The following TASP1 variants were observed in gnomAD, a reference collection of about 807,000 sequenced individuals.
The protein encoded by TASP1 is threonine aspartase 1.
TASP1 carries 16 observed loss-of-function variants against 56.6 expected under a neutral mutation model. That is an observed-to-expected ratio of 0.28 (90% confidence interval 0.19 to 0.43). TASP1 has a LOEUF of 0.43. Among genes scored for constraint, TASP1 ranks in the 20% least tolerant of loss-of-function variants. TASP1 has a pLI of 1.00. For synonymous variants in TASP1, 179 were observed against 184.2 expected (o/e 0.97, Z 0.23); for missense variants, 393 against 511.6 (o/e 0.77, Z 2.24).
the TASP1 span, among the ~76,000 whole-genome samples, chr20:13,283,863 C>T: frequency 2.6e-5 from 4 of 152,106 alleles, no homozygotes; most frequent in East Asian, 5.8e-4. Flanking sequence ...GATTTTTTTT[C>T]AGTGGTTTTC....
the TASP1 span, among the ~76,000 whole-genome samples, chr20:13,201,503 G>T: frequency 4.0e-5 from 6 of 151,104 alleles, no homozygotes; most frequent in South Asian, 1.3e-3. Context: ...CAAATCTTTA[G>T]ACATTGTCAA....
intron 13 of TASP1, among the ~76,000 whole-genome samples, chr20:13,394,369 G>C (rs2041433526): frequency 6.7e-6 from 1 of 149,586 alleles, no homozygotes; most frequent in South Asian, 2.1e-4. Context: ...CCAGCACTTT[G>C]GGAGGCCAAG....
intron 10 of TASP1, among the ~76,000 whole-genome samples, chr20:13,522,662 T>C (rs1169596787): frequency 2.0e-5 from 3 of 152,192 alleles, no homozygotes; most frequent in Non-Finnish European, 4.4e-5. Context: ...ACTTGAATTA[T>C]AACTCAGTTA....
At chr20:13,559,324 G>A (rs1032829701) in intron 7 of TASP1, among the ~76,000 whole-genome samples, 1 of 152,100 alleles carries the variant, frequency 6.6e-6, no homozygotes, top group Non-Finnish European at 1.5e-5. Context: ...GTCCAACCCA[G>A]AGAAACAAAG....
chr20:13,185,083 T>C, the TASP1 span, among the ~76,000 whole-genome samples: 2 of 151,492 alleles, frequency 1.3e-5, no homozygotes, highest in African/African-American at 4.9e-5. Flanking sequence ...AACCAATAAA[T>C]AAATGGGCAA....
At chr20:13,270,654 A>C in the TASP1 span, 21 of 1,613,864 alleles carry the variant, frequency 1.3e-5, no homozygotes, top group South Asian at 2.1e-4. Context: ...TTCATTGCAA[A>C]GAGATTTCCC....
Position 13,389,516 on chromosome 20 carries a change from T to C in TASP1, c.*844A>G, listed in dbSNP as rs2041199448. 1.3e-5 allele frequency: 2 copies of C among 152,546 alleles called. No homozygotes were observed. Among genetic ancestry groups the C allele is most frequent in the Non-Finnish European group, 2.9e-5 (2 of 68,036 alleles). 9.4% of individuals were successfully genotyped at this position (152,546 alleles called of 1,614,324 possible). The stretch of plus-strand genomic sequence containing the variant: ...TATTTAAACAAAAACAAAGATAATA[T>C]TGAATTTTCCCATAAACTTTGCTTT... On this transcript the variant is annotated 3_prime_UTR_variant, in exon 14 of 14. Transcript: ENST00000337743.
At chr20:13,245,686 A>T in the TASP1 span, among the ~76,000 whole-genome samples, 2 of 152,114 alleles carry the variant, frequency 1.3e-5, no homozygotes, top group African/African-American at 4.8e-5. Flanking sequence ...TAATTCCTTC[A>T]TTTTATTTCA....
the TASP1 span, among the ~76,000 whole-genome samples, chr20:13,202,086 A>C: frequency 2.0e-5 from 3 of 152,156 alleles, no homozygotes; most frequent in Non-Finnish European, 4.4e-5. Context: ...CCACCCCTCC[A>C]TACGCACTAC....
intron 13 of TASP1, among the ~76,000 whole-genome samples, chr20:13,391,967 C>CAAAAA (rs36124207): frequency 4.2e-5 from 3 of 71,860 alleles, no homozygotes; most frequent in Admixed American, 1.7e-4. Context: ...GACTCCGTCT[C>CAAAAA]AAAAAAAAAA....
chr20:13,189,976 A>G, the TASP1 span, among the ~76,000 whole-genome samples: 1 of 152,242 alleles, frequency 6.6e-6, no homozygotes, highest in Non-Finnish European at 1.5e-5. Flanking sequence ...AGCCATAAAT[A>G]AGAATAAAAT....
chr20:13,517,530 G>A lies in TASP1; in HGVS notation c.874+10903C>T, dbSNP rs536200250. On this transcript the variant is annotated intron_variant, in intron 10 of 13. Coordinates refer to ENST00000337743, the MANE Select transcript of TASP1 (RefSeq NM_017714.3). ...CAAAAATCCACCGAAAATATTAATA[G>A]TGACTACCACAGGATGGCAAAAATT... 2.0e-4 allele frequency among the ~76,000 whole-genome samples: 31 copies of A among 152,112 alleles called. 3 individuals carry two copies. The highest frequency in any genetic ancestry group is 7.2e-4 in the African/African-American group (30 of 41,514).
At chr20:13,563,153 A>G (rs1436070107) in intron 7 of TASP1, among the ~76,000 whole-genome samples, 1 of 151,492 alleles carries the variant, frequency 6.6e-6, no homozygotes, top group African/African-American at 2.4e-5. Flanking sequence ...AGAGAGTTCT[A>G]TGAAAAATTG....
At chr20:13,336,716 C>T in the TASP1 span, among the ~76,000 whole-genome samples, 6 of 152,050 alleles carry the variant, frequency 3.9e-5, no homozygotes, top group Admixed American at 1.3e-4. Flanking sequence ...GTACCCAGCC[C>T]TGATGTCAAT....
At chr20:13,222,764 T>C in the TASP1 span, among the ~76,000 whole-genome samples, 1 of 152,206 alleles carries the variant, frequency 6.6e-6, no homozygotes, top group Non-Finnish European at 1.5e-5. Context: ...TGCCGCTATG[T>C]TAGCGCCTTT....
chr20:13,391,299 C>T (rs1369964954), intron 13 of TASP1, among the ~76,000 whole-genome samples: 1 of 152,154 alleles, frequency 6.6e-6, no homozygotes, highest in African/African-American at 2.4e-5. Context: ...GAGGCTGGGG[C>T]TGGAGGCTCC....
At chr20:13,551,770 T>A (rs2045989301) in intron 8 of TASP1, among the ~76,000 whole-genome samples, 1 of 152,226 alleles carries the variant, frequency 6.6e-6, no homozygotes, top group African/African-American at 2.4e-5. Context: ...AGGTTTCCTC[T>A]TCCAAATAGG....
chr20:13,383,986 G>T, the TASP1 span, among the ~76,000 whole-genome samples: 2 of 152,140 alleles, frequency 1.3e-5, no homozygotes, highest in African/African-American at 2.4e-5. Context: ...TAACAGGTTT[G>T]GGGGAAGAAC....
chr20:13,252,290 T>C, the TASP1 span, among the ~76,000 whole-genome samples: 3 of 152,212 alleles, frequency 2.0e-5, no homozygotes, highest in Non-Finnish European at 2.9e-5. Flanking sequence ...ATGGCTGCTG[T>C]GTACATGCTG....
Sources: allele counts gnomAD v4.1 joint callset (sites outside exome capture counted in the v4.1 genomes callset), GRCh38; gene constraint gnomAD v4.1.1; transcripts MANE v1.5; gene names NCBI Gene and HGNC (gene_info 2026-07-23, HGNC 2026-07-21).